Variants in FERMT1 observed in about 807,000 individuals in gnomAD.
FERMT1 encodes the protein fermitin family homolog 1.
A neutral mutation model predicts 85.3 loss-of-function variants in FERMT1; 60 were observed. The ratio of observed to expected loss-of-function variants is 0.70; its 90% confidence interval spans 0.57 to 0.87. The LOEUF is 0.87. FERMT1 is among the 40% of genes least tolerant of loss of function. The probability of loss-of-function intolerance (pLI) is 0.00; values close to 1 mark genes in which losing one functional copy is unlikely to be tolerated. For missense variants in FERMT1, 701 were observed against 818.9 expected (o/e 0.86, Z 1.76); for synonymous variants, 275 against 301.1 (o/e 0.91, Z 0.90).
Position 6,075,897 on chromosome 20 carries a change from C to T in FERMT1, c.*1276G>A, listed in dbSNP as rs191399830. The T allele has an allele frequency of 6.6e-6, 1 of 152,456 alleles. No homozygotes were observed. Among genetic ancestry groups the T allele is most frequent in the African/African-American group, 2.4e-5 (1 of 41,574 alleles). 9.4% of individuals were successfully genotyped at this position (152,456 alleles called of 1,614,324 possible). On this transcript the variant is annotated 3_prime_UTR_variant, in exon 15 of 15. Transcript: ENST00000217289. ...TTGCTTTTGACCTTCTCAAAACCCACCCCTCCCACCTCTAACAAACCAAAA... is the reference window on the plus strand; with the variant it reads ...TTGCTTTTGACCTTCTCAAAACCCATCCCTCCCACCTCTAACAAACCAAAA...
chr20:6,097,982 T>C (rs1982556263), intron 6 of FERMT1, among the ~76,000 whole-genome samples: 1 of 152,000 alleles, frequency 6.6e-6, no homozygotes, highest in Non-Finnish European at 1.5e-5. Context: ...ACCTGGCTAA[T>C]GTTTGTGTTT....
chr20:6,110,786 A>C (rs1025752322), intron 4 of FERMT1, among the ~76,000 whole-genome samples: 1 of 152,044 alleles, frequency 6.6e-6, no homozygotes, highest in South Asian at 2.1e-4. Flanking sequence ...AACAAACAAA[A>C]CCCAAAAAAT....
At chr20:6,096,274 T>G (rs7267017) in intron 8 of FERMT1, among the ~76,000 whole-genome samples, 15,067 of 152,204 alleles carry the variant, frequency 0.099, 779 homozygotes, top group African/African-American at 0.12. Flanking sequence ...GCCTGTAATC[T>G]CAACACTTTG....
At chr20:6,096,433 G>A (rs1982500726) in intron 8 of FERMT1, among the ~76,000 whole-genome samples, 2 of 152,206 alleles carry the variant, frequency 1.3e-5, no homozygotes. Flanking sequence ...GCTGAGATGG[G>A]AGGACTGCTT....
rs1982756018 is a variant in FERMT1, at chr20:6,104,818, A to G, written c.849+2714T>C. 6.6e-6 allele frequency among the ~76,000 whole-genome samples: 1 copy of G among 152,132 alleles called. No individual in the cohort carries two copies. The highest frequency in any genetic ancestry group is 1.5e-5 in the Non-Finnish European group (1 of 68,030). Reference sequence around the variant, plus strand: ...AATACATATTTAACCCTGCTCCTCTATATTTATACCAATGATCTGCCATTA... The same window carrying G: ...AATACATATTTAACCCTGCTCCTCTGTATTTATACCAATGATCTGCCATTA... On this transcript the variant is annotated intron_variant, in intron 6 of 14. Transcript: ENST00000217289. This position sits in a 1 kb window ranked among gnomAD's most constrained non-coding sequence, Gnocchi z 4.2.
Position 6,100,601 on chromosome 20 carries a change from T to C in FERMT1, c.850-2970A>G, listed in dbSNP as rs567640023. Among the ~76,000 whole-genome samples the C allele has an allele frequency of 2.0e-5, 3 of 152,310 alleles. No homozygotes were observed. In the East Asian group the frequency reaches 5.8e-4, roughly 29 times the overall value. On this transcript the variant is annotated intron_variant, in intron 6 of 14. Coordinates refer to ENST00000217289, the MANE Select transcript of FERMT1 (RefSeq NM_017671.5). Reference sequence around the variant, plus strand: ...ATATTAAACAGGTAAATGTATGGCATGTAAATTATATCTCAAAAAGCTATT... The same window carrying C: ...ATATTAAACAGGTAAATGTATGGCACGTAAATTATATCTCAAAAAGCTATT...
rs932625775 is a variant in FERMT1, at chr20:6,074,938, T to G, written c.*2235A>C. ...CTGTAGATAAGGAAGCAAATGATGT[T>G]GAAAGGTGCCCATTAATTTAAAATT... is the stretch of plus-strand genomic sequence containing the variant. On this transcript the variant is annotated 3_prime_UTR_variant, in exon 15 of 15. Transcript: ENST00000217289. 3.3e-5 allele frequency: 5 copies of G among 152,256 alleles called. No homozygotes were observed. Among genetic ancestry groups the G allele is most frequent in the East Asian group, 3.7e-4 (2 of 5,334 alleles). The allele number at this position is 152,256 out of a possible 1,614,324, so 9.4% of individuals were successfully genotyped here.
At chr20:6,117,606 G>A (rs905201616) in intron 2 of FERMT1, among the ~76,000 whole-genome samples, 5 of 152,120 alleles carry the variant, frequency 3.3e-5, no homozygotes, top group African/African-American at 1.2e-4. Context: ...GCTAATTTTT[G>A]TATTTTTTGT....
At chr20:6,116,271 T>C (rs1292711771) in intron 2 of FERMT1, among the ~76,000 whole-genome samples, 21 of 152,126 alleles carry the variant, frequency 1.4e-4, no homozygotes, top group Admixed American at 1.4e-3. Flanking sequence ...CTAATGTAGA[T>C]GACAGGGTTG....
intron 2 of FERMT1, among the ~76,000 whole-genome samples, chr20:6,118,847 TAA>T (rs989671319): frequency 4.0e-4 from 61 of 152,138 alleles, no homozygotes; most frequent in African/African-American, 1.4e-3. Context: ...CCAAGCTACT[TAA>T]AGTCACATTA....
chr20:6,109,340 G>T (rs1269026456), intron 5 of FERMT1, among the ~76,000 whole-genome samples: 1 of 152,146 alleles, frequency 6.6e-6, no homozygotes, highest in African/African-American at 2.4e-5. Flanking sequence ...CTGAACAGTT[G>T]GTAAAGGGGA....
intron 6 of FERMT1, among the ~76,000 whole-genome samples, chr20:6,106,777 G>A (rs1162951087): frequency 6.6e-6 from 1 of 152,218 alleles, no homozygotes; most frequent in African/African-American, 2.4e-5. Flanking sequence ...CTTTCCCTCA[G>A]TTCCAAAGAG....
intron 4 of FERMT1, 97 bp downstream of exon 4, chr20:6,112,380 A>C (rs1420703952): frequency 2.4e-6 from 3 of 1,245,356 alleles, no homozygotes; most frequent in Non-Finnish European, 3.5e-6. Context: ...CTGCAATTTT[A>C]TTTCTCCTTT....
At position 6,102,264 on chromosome 20, in the gene FERMT1, TC is replaced by T. The variant is rs111965442; in HGVS notation, c.850-4634del. 2.4e-3 allele frequency among the ~76,000 whole-genome samples: 362 copies of T among 152,092 alleles called. 4 individuals are homozygous for T. Among genetic ancestry groups the T allele is most frequent in the African/African-American group, 8.1e-3 (336 of 41,484 alleles). On this transcript the variant is annotated intron_variant, in intron 6 of 14. Transcript: ENST00000217289. Reference sequence around the variant, plus strand: ...TCATTGACAGGCATCCTATAGGACTTCCCCCCAATACCCCCACCCCGAGAAC... The same window carrying T: ...TCATTGACAGGCATCCTATAGGACTTCCCCCAATACCCCCACCCCGAGAAC...
rs184046854 is a variant in FERMT1, at chr20:6,077,215, G to C, written c.1992C>G (p.Leu664=). 1 of 1,614,154 alleles carries C rather than the reference G, an allele frequency of 6.2e-7. No homozygotes were observed. Residue 664 remains leucine (L), a synonymous_variant, in exon 15 of 15, where the codon CTC becomes CTG. Coordinates refer to ENST00000217289, the MANE Select transcript of FERMT1 (RefSeq NM_017671.5). The part of the protein sequence containing the change: ...STRSKDQNET[L]DEDLFHKLTG... ...TCAATTTGTGGAACAAGTCCTCATC[G>C]AGTGTTTCATTCTGGTCCTTGGAGC...
intron 3 of FERMT1, among the ~76,000 whole-genome samples, chr20:6,114,458 T>C (rs1385277116): frequency 2.0e-5 from 3 of 152,256 alleles, no homozygotes; most frequent in African/African-American, 7.2e-5. Flanking sequence ...TTCTGTTTAC[T>C]TGAAAACTTT....
Position 6,104,164 on chromosome 20 carries a change from C to T in FERMT1, c.849+3368G>A, listed in dbSNP as rs1011791976. 6.6e-5 allele frequency among the ~76,000 whole-genome samples: 10 copies of T among 152,122 alleles called. No homozygotes were observed. The highest frequency in any genetic ancestry group is 2.4e-4 in the African/African-American group (10 of 41,412). On this transcript the variant is annotated intron_variant, in intron 6 of 14. Coordinates refer to ENST00000217289, the MANE Select transcript of FERMT1 (RefSeq NM_017671.5). This position sits in a 1 kb window ranked among gnomAD's most constrained non-coding sequence, Gnocchi z 4.2. ...GTGATTACAGGCATGAGCCCCTGCG[C>T]CCGGCTGAGTCTATTATTTTTGAAA...
chr20:6,085,333 C>T, intron 11 of FERMT1, 46 bp from the exon 12 acceptor site: 1 of 1,552,792 alleles, frequency 6.4e-7, no homozygotes, highest in Non-Finnish European at 8.9e-7. Flanking sequence ...TGCAAAGCCC[C>T]CTGCTGCACA....
intron 8 of FERMT1, among the ~76,000 whole-genome samples, chr20:6,096,384 G>T (rs1447888654): frequency 1.3e-5 from 2 of 152,126 alleles, no homozygotes; most frequent in African/African-American, 4.8e-5. Context: ...AATTAGCCAG[G>T]CACAGTAGTG....
Sources: gnomAD v4.1 joint callset for allele counts (sites outside exome capture counted in the v4.1 genomes callset) on GRCh38, gnomAD v4.1.1 for gene constraint, Gnocchi (gnomAD v3.1) non-coding constraint, MANE v1.5 for transcripts, NCBI Gene and HGNC (gene_info 2026-07-23, HGNC 2026-07-21) for gene names.